TTC38: variants seen among roughly 807,000 people sequenced by gnomAD.
TTC38 encodes tetratricopeptide repeat domain 38.
TTC38 carries 64 observed loss-of-function variants against 64.2 expected under a neutral mutation model. That is an observed-to-expected ratio of 1.00 (90% CI 0.81 to 1.23). TTC38 has a LOEUF of 1.23. Ranked by LOEUF, TTC38 falls within the 50% of genes most tolerant of loss-of-function variation. TTC38 has a pLI of 0.00. For synonymous variants in TTC38, 254 were observed against 249.3 expected (o/e 1.02, Z -0.18); for missense variants, 573 against 615.5 (o/e 0.93, Z 0.73).
rs1054619077 is a variant in TTC38, at chr22:46,290,003, G to T, written c.1316+104G>T. 7.9e-6 allele frequency: 8 copies of T among 1,017,782 alleles called. No homozygotes were observed. The African/African-American group carries it at 1.3e-4, about 16-fold the overall frequency. 63.0% of individuals were successfully genotyped at this position (1,017,782 alleles called of 1,614,324 possible). A position where few individuals can be genotyped will look rare whatever the true frequency, so the allele number is the denominator to read the frequency against. On this transcript the variant is annotated intron_variant, in intron 13 of 13. Transcript: ENST00000381031. ...ACCACCCTTGGCCCGAGATGCTCCTGCTTCTGAGGCTGTGAGGTCGGGAGG... is the reference window on the plus strand; with the variant it reads ...ACCACCCTTGGCCCGAGATGCTCCTTCTTCTGAGGCTGTGAGGTCGGGAGG...
At chr22:46,286,637 G>A (rs1339568759) in intron 9 of TTC38, among the ~76,000 whole-genome samples, 1 of 151,598 alleles carries the variant, frequency 6.6e-6, no homozygotes, top group Non-Finnish European at 1.5e-5. Flanking sequence ...ACTCCAGCCT[G>A]GGCGACAGAG....
Position 46,273,507 on chromosome 22 carries a change from G to A in TTC38, c.194-391G>A, listed in dbSNP as rs1459175934. On this transcript the variant is annotated intron_variant, in intron 3 of 13. Coordinates refer to ENST00000381031, the MANE Select transcript of TTC38 (RefSeq NM_017931.4). The surrounding 1 kb of genome is among the most constrained non-coding windows in gnomAD (Gnocchi z 5.1). ...GGGATCATGACTTCTGTGCTCCGGG[G>A]CCTCCTTGGTCCAGCCCCTTATGAG... Among the ~76,000 whole-genome samples the A allele has an allele frequency of 2.0e-5, 3 of 152,214 alleles. No individual in the cohort carries two copies. Among genetic ancestry groups the A allele is most frequent in the Admixed American group, 6.5e-5 (1 of 15,284 alleles).
rs1372724067 is a variant in TTC38, at chr22:46,291,636, G to C, written c.1317-1155G>C. Among the ~76,000 whole-genome samples the C allele has an allele frequency of 6.6e-6, 1 of 152,148 alleles. No individual in the cohort carries two copies. Among genetic ancestry groups the C allele is most frequent in the Admixed American group, 6.5e-5 (1 of 15,276 alleles). On this transcript the variant is annotated intron_variant, in intron 13 of 13. Coordinates refer to ENST00000381031, the MANE Select transcript of TTC38 (RefSeq NM_017931.4). The surrounding 1 kb of genome is among the most constrained non-coding windows in gnomAD (Gnocchi z 4.6). ...TTTCAGGTGTTTGGGGGCTGTCTTA[G>C]TCAGTTTGGGTTGTTATTTTAAAAG...
Position 46,285,244 on chromosome 22 carries a change from G to T in TTC38, c.799G>T (p.Glu267Ter). Residue 267 changes from glutamate (E) to a stop codon, truncating the protein, a stop_gained, in exon 9 of 14, where the codon GAA (glutamate) becomes TAA (stop). Transcript: ENST00000381031. LOFTEE classifies it high-confidence loss of function. Reference protein sequence around the residue: ...HWALYLIEKGEYEAALTIYDT... With the variant: ...HWALYLIEKG ...AAGGAGAACTTTATTCTTCCAGGGC[G>T]AATATGAGGCCGCGCTGACCATCTA... 1 of 1,614,108 alleles carries T rather than the reference G, an allele frequency of 6.2e-7. No homozygotes were observed. The highest frequency in any genetic ancestry group is 1.1e-5 in the South Asian group (1 of 91,076).
At position 46,273,835 on chromosome 22, in the gene TTC38, C is replaced by A. The variant is rs1004316460; in HGVS notation, c.194-63C>A. 1 of 1,567,172 alleles carries A rather than the reference C, an allele frequency of 6.4e-7. No individual in the cohort carries two copies. Among genetic ancestry groups the A allele is most frequent in the Non-Finnish European group, 8.7e-7 (1 of 1,144,122 alleles). On this transcript the variant is annotated intron_variant, in intron 3 of 13. Coordinates refer to ENST00000381031, the MANE Select transcript of TTC38 (RefSeq NM_017931.4). The surrounding 1 kb of genome is among the most constrained non-coding windows in gnomAD (Gnocchi z 5.1). Reference sequence around the variant, plus strand: ...GGGGTGTCTCTGTGACATGTGGAGTCTGGGCTGGGATGGGCTGAGCTGGAC... The same window carrying A: ...GGGGTGTCTCTGTGACATGTGGAGTATGGGCTGGGATGGGCTGAGCTGGAC...
rs148911944 is a variant in TTC38, at chr22:46,292,525, T to C, written c.1317-266T>C. On this transcript the variant is annotated intron_variant, in intron 13 of 13. Coordinates refer to ENST00000381031, the MANE Select transcript of TTC38 (RefSeq NM_017931.4). This position sits in a 1 kb window ranked among gnomAD's most constrained non-coding sequence, Gnocchi z 6.5. ...GTCTTTACCTCAAACCGTACCTGGG[T>C]CTTCTCTCTTCAAACCTGGGTTTTC... 2.5e-3 allele frequency among the ~76,000 whole-genome samples: 375 copies of C among 152,214 alleles called. 1 individual carries two copies. Among genetic ancestry groups the C allele is most frequent in the African/African-American group, 8.7e-3 (362 of 41,526 alleles).
Position 46,293,915 on chromosome 22 carries a change from AGG to A in TTC38, c.*1033_*1034del, listed in dbSNP as rs1181596454. On this transcript the variant is annotated 3_prime_UTR_variant, in exon 14 of 14. Transcript: ENST00000381031. This position sits in a 1 kb window ranked among gnomAD's most constrained non-coding sequence, Gnocchi z 6.6. ...GCAGGAAGCAGGCAGGCCTCTCAGA[AGG>A]GAGAGGAGGCCTCCAAATCTATTGA... is the stretch of plus-strand genomic sequence containing the variant. 3 of 152,242 alleles carry A rather than the reference AGG, an allele frequency of 2.0e-5. No individual in the cohort carries two copies. The highest frequency in any genetic ancestry group is 4.4e-5 in the Non-Finnish European group (3 of 68,034). The allele number at this position is 152,242 out of a possible 1,614,324, so 9.4% of individuals were successfully genotyped here. A position where few individuals can be genotyped will look rare whatever the true frequency, so the allele number is the denominator to read the frequency against.
chr22:46,287,166 T>C lies in TTC38; in HGVS notation c.916+12T>C, dbSNP rs2147799961. The C allele has an allele frequency of 1.9e-6, 3 of 1,594,708 alleles. No individual in the cohort carries two copies. Among genetic ancestry groups the C allele is most frequent in the Non-Finnish European group, 1.7e-6 (2 of 1,168,888 alleles). On this transcript the variant is annotated intron_variant, in intron 10 of 13. Transcript: ENST00000381031. ...CCTGCAGATGGAAGGTAGCCATCCCTGCAGCCCCACTGGCTTCTGCCTCTT... is the reference window on the plus strand; with the variant it reads ...CCTGCAGATGGAAGGTAGCCATCCCCGCAGCCCCACTGGCTTCTGCCTCTT...
intron 5 of TTC38, among the ~76,000 whole-genome samples, chr22:46,277,296 G>A (rs1005893856): frequency 3.3e-5 from 5 of 152,038 alleles, no homozygotes; most frequent in African/African-American, 1.2e-4. Context: ...ACTCGGGTGC[G>A]CAGTTGCAGA....
At chr22:46,286,031 A>AAAAAAAC (rs1273530304) in intron 9 of TTC38, among the ~76,000 whole-genome samples, 20 of 151,318 alleles carry the variant, frequency 1.3e-4, no homozygotes, top group Admixed American at 2.6e-4. Context: ...AAAAAAAAAA[A>AAAAAAAC]GTGTATAGCT....
chr22:46,282,149 C>G lies in TTC38; in HGVS notation c.735+431C>G. ...TCTGAGTTGGCTACTGAAGGATGAG[C>G]AGGTGTGTGCCACACAGAGGGGGAA... On this transcript the variant is annotated intron_variant, in intron 7 of 13. Coordinates refer to ENST00000381031, the MANE Select transcript of TTC38 (RefSeq NM_017931.4). The surrounding 1 kb of genome is among the most constrained non-coding windows in gnomAD (Gnocchi z 4.4). The G allele has an allele frequency of 2.7e-6, 1 of 366,114 alleles. No individual in the cohort carries two copies. Among genetic ancestry groups the G allele is most frequent in the Non-Finnish European group, 5.6e-6 (1 of 178,422 alleles). The allele number at this position is 366,114 out of a possible 1,614,324, so 22.7% of individuals were successfully genotyped here.
At position 46,275,670 on chromosome 22, in the gene TTC38, T is replaced by G. The variant is rs1192334204; in HGVS notation, c.539+249T>G. The stretch of plus-strand genomic sequence containing the variant: ...TGCAGTAATAAACATCCCCTGGTTC[T>G]TCTTCCCCAAAGCTTATTACAGCAA... On this transcript the variant is annotated intron_variant, in intron 5 of 13. Transcript: ENST00000381031. This position sits in a 1 kb window ranked among gnomAD's most constrained non-coding sequence, Gnocchi z 4.5. Among the ~76,000 whole-genome samples the G allele has an allele frequency of 6.6e-6, 1 of 152,198 alleles. No homozygotes were observed. Among genetic ancestry groups the G allele is most frequent in the African/African-American group, 2.4e-5 (1 of 41,460 alleles).
rs1936816896 is a variant in TTC38, at chr22:46,268,597, C to A, written c.111+6C>A. On this transcript the variant is annotated splice_donor_region_variant and intron_variant, in intron 2 of 13. Transcript: ENST00000381031. Reference sequence around the variant, plus strand: ...TCGATGCCACGCTGACCCAGGTATGCCTGCCGAGAGAGGCCGCGGCCCCTT... The same window carrying A: ...TCGATGCCACGCTGACCCAGGTATGACTGCCGAGAGAGGCCGCGGCCCCTT... 1.2e-6 allele frequency: 2 copies of A among 1,613,582 alleles called. No individual in the cohort carries two copies. The highest frequency in any genetic ancestry group is 1.1e-5 in the South Asian group (1 of 91,090).
At chr22:46,288,298 C>A in intron 10 of TTC38, 125 bp from the exon 11 acceptor site, 1 of 983,110 alleles carries the variant, frequency 1.0e-6, no homozygotes, top group South Asian at 1.6e-5. Context: ...CTGCCCACCT[C>A]CCCGGCCTCT....
intron 1 of TTC38, 41 bp from the exon 2 acceptor site, chr22:46,268,473 C>T (rs1936811176): frequency 6.2e-7 from 1 of 1,607,088 alleles, no homozygotes; most frequent in Non-Finnish European, 8.5e-7. Context: ...TGAAGGGCTC[C>T]TGGAGAGAAG....
chr22:46,284,465 C>T (rs2077557388), intron 8 of TTC38, among the ~76,000 whole-genome samples: 1 of 152,120 alleles, frequency 6.6e-6, no homozygotes, highest in South Asian at 2.1e-4. Context: ...CCTGAATGTC[C>T]ATAAAGTGAG....
chr22:46,283,418 G>A (rs998925693), intron 7 of TTC38, among the ~76,000 whole-genome samples: 4 of 152,184 alleles, frequency 2.6e-5, no homozygotes, highest in Non-Finnish European at 2.9e-5. Context: ...CAGCTCAGGC[G>A]AGTAGGTTGG....
chr22:46,269,235 G>A, intron 2 of TTC38: 1 of 330,426 alleles, frequency 3.0e-6, no homozygotes, highest in Non-Finnish European at 6.3e-6. Flanking sequence ...CCTGCTGAGG[G>A]TCTGATGCAG....
At position 46,268,086 on chromosome 22, in the gene TTC38, GC is replaced by G; in HGVS notation, c.33+19del. ...CGCGACTGCCAGGTACACGGAGGCT[GC>G]CCCCAACCAGGTCCCCCTCGGGCCC... is the stretch of plus-strand genomic sequence containing the variant. On this transcript the variant is annotated intron_variant, in intron 1 of 13. Transcript: ENST00000381031. 6.5e-7 allele frequency: 1 copy of G among 1,539,260 alleles called. No homozygotes were observed.
Sources: gnomAD v4.1 joint callset for allele counts (sites outside exome capture counted in the v4.1 genomes callset) on GRCh38, gnomAD v4.1.1 for gene constraint, Gnocchi (gnomAD v3.1) non-coding constraint, MANE v1.5 for transcripts, NCBI Gene and HGNC (gene_info 2026-07-23, HGNC 2026-07-21) for gene names.